ALPK1: variants seen among roughly 807,000 people sequenced by gnomAD.
ALPK1 encodes the protein alpha kinase 1, also known as alpha-protein kinase 1.
In ALPK1, 110 loss-of-function variants were observed where a neutral mutation model predicts 120.6. The observed-to-expected ratio is 0.91, with a 90% CI of 0.78 to 1.07. The LOEUF is 1.07. Among genes scored for constraint, ALPK1 ranks in the 50% least tolerant of loss-of-function variants. The pLI is 0.00. For missense variants in ALPK1, 1,498 were observed against 1,483.9 expected (o/e 1.01, Z -0.16); for synonymous variants, 582 against 560.3 (o/e 1.04, Z -0.55).
chr4:112,432,993 T>C (rs1334063944), intron 11 of ALPK1, among the ~76,000 whole-genome samples: 1 of 152,254 alleles, frequency 6.6e-6, no homozygotes, highest in African/African-American at 2.4e-5. Context: ...GCTCAGCATC[T>C]ATCTTCTCCT....
intron 2 of ALPK1, among the ~76,000 whole-genome samples, chr4:112,320,463 T>G (rs1418449214): frequency 1.3e-5 from 2 of 152,206 alleles, no homozygotes; most frequent in African/African-American, 4.8e-5. Context: ...TTGTTCTGGA[T>G]TTTTGCATCT....
chr4:112,381,722 G>A (rs987713232), intron 3 of ALPK1, among the ~76,000 whole-genome samples: 2 of 152,098 alleles, frequency 1.3e-5, no homozygotes, highest in African/African-American at 4.8e-5. Context: ...ATTCTGTTTC[G>A]GGTGCCAAAC....
In ALPK1 at chr4:112,431,037, TAA is replaced by T; in HGVS notation, c.1495_1496del (p.Asn499HisfsTer26). ...TGCATCACTGCTCTAAAAACAGAAA[TAA>T]AAAACATAGATACTGTGAGTACTAC... On this transcript the variant is annotated frameshift_variant, in exon 11 of 16. Coordinates refer to ENST00000650871, the MANE Select transcript of ALPK1 (RefSeq NM_025144.4). LOFTEE classifies it high-confidence loss of function. 1 of 1,612,530 alleles carries T rather than the reference TAA, an allele frequency of 6.2e-7. No individual in the cohort carries two copies. The highest frequency in any genetic ancestry group is 8.5e-7 in the Non-Finnish European group (1 of 1,179,644).
chr4:112,310,943 G>A lies in ALPK1; in HGVS notation c.-152-4858G>A, dbSNP rs189135742. ...AGTAGCACTACAGAATCATAGAATCGAAAGGGACTTTAAAGACTTTAGCAA... is the reference window on the plus strand; with the variant it reads ...AGTAGCACTACAGAATCATAGAATCAAAAGGGACTTTAAAGACTTTAGCAA... On this transcript the variant is annotated intron_variant, in intron 1 of 15. Coordinates refer to ENST00000650871, the MANE Select transcript of ALPK1 (RefSeq NM_025144.4). 1.8e-4 allele frequency among the ~76,000 whole-genome samples: 27 copies of A among 151,594 alleles called. 2 individuals are homozygous for A. The highest frequency in any genetic ancestry group is 6.1e-4 in the African/African-American group (25 of 40,972).
intron 9 of ALPK1, 24 bp from the exon 10 acceptor site, chr4:112,429,125 A>T: frequency 6.3e-7 from 1 of 1,597,098 alleles, no homozygotes; most frequent in African/African-American, 1.3e-5. Flanking sequence ...TCACCATTCC[A>T]CTTAGCCTCC....
chr4:112,357,131 C>T (rs1730667851), intron 2 of ALPK1: 4 of 1,321,436 alleles, frequency 3.0e-6, no homozygotes, highest in South Asian at 1.3e-5. Flanking sequence ...TGTTGAGCTG[C>T]CTGGAGATGA....
At chr4:112,327,174 G>A (rs1729152237) in intron 2 of ALPK1, among the ~76,000 whole-genome samples, 1 of 152,204 alleles carries the variant, frequency 6.6e-6, no homozygotes, top group Non-Finnish European at 1.5e-5. Context: ...TGTTCACAGT[G>A]CAGGTTTGAA....
intron 2 of ALPK1, among the ~76,000 whole-genome samples, chr4:112,355,127 C>T (rs996708322): frequency 1.3e-5 from 2 of 152,134 alleles, no homozygotes; most frequent in Non-Finnish European, 2.9e-5. Context: ...TAGAATTATT[C>T]TCAGATACTT....
In ALPK1 at chr4:112,377,894, C is replaced by A. The variant is rs1322005774; in HGVS notation, c.117C>A (p.Cys39Ter). ...AGGACAAGAGCGAGGACCAGCGCTG[C>A]AGAGGTGAGGTTCTGATGGGAGGCA... The part of the protein sequence containing the change: ...SEEDKSEDQR[C>*]RALLPSELRT... Residue 39 changes from cysteine to a stop codon, truncating the protein, a stop_gained, in exon 3 of 16, where the codon TGC becomes TGA. Transcript: ENST00000650871. LOFTEE classifies it high-confidence loss of function. 1 of 1,607,780 alleles carries A rather than the reference C, an allele frequency of 6.2e-7. No individual in the cohort carries two copies. The highest frequency in any genetic ancestry group is 1.1e-5 in the South Asian group (1 of 89,994).
At chr4:112,356,338 C>A (rs1730610927) in intron 2 of ALPK1, 3 of 881,708 alleles carry the variant, frequency 3.4e-6, no homozygotes, top group Admixed American at 1.7e-5. Flanking sequence ...TCTTTGCCTG[C>A]AATTTTGCCG....
At position 112,432,282 on chromosome 4, in the gene ALPK1, A is replaced by G; in HGVS notation, c.2735A>G (p.Asn912Ser). ...SEDCTTTEEG[N>S]QPGNMLNCSQ... ...GACTGCACTACCACAGAGGAAGGAA[A>G]TCAGCCTGGAAACATGCTAAACTGC... The change falls in exon 11 of 16, where the codon AAT (asparagine) becomes AGT (serine). Residue 912 changes from asparagine (N) to serine (S), a missense_variant. Transcript: ENST00000650871. The G allele has an allele frequency of 1.9e-6, 3 of 1,614,206 alleles. No homozygotes were observed. Among genetic ancestry groups the G allele is most frequent in the Non-Finnish European group, 1.7e-6 (2 of 1,180,016 alleles).
chr4:112,432,508 G>A lies in ALPK1; in HGVS notation c.2961G>A (p.Val987=), dbSNP rs764487743. 3 of 1,614,170 alleles carry A rather than the reference G, an allele frequency of 1.9e-6. No individual in the cohort carries two copies. The African/African-American group carries it at 4.0e-5, about 22-fold the overall frequency. The change falls in exon 11 of 16, where the codon GTG becomes GTA. Residue 987 remains valine (V), a synonymous_variant. Transcript: ENST00000650871. ...ACTTTGAAAAGCTGTTGGCAGGAGT[G>A]AGGCATGATTGGCTGTTTCAGAGAC... ...PDDFEKLLAG[V]RHDWLFQRLE...
intron 1 of ALPK1, among the ~76,000 whole-genome samples, chr4:112,298,798 G>A (rs1444408474): frequency 2.0e-5 from 3 of 152,122 alleles, no homozygotes; most frequent in Non-Finnish European, 4.4e-5. Context: ...TTTGGATTTA[G>A]AGCCTGAAGT....
intron 2 of ALPK1, chr4:112,358,638 G>A (rs551419981): frequency 7.9e-5 from 57 of 718,828 alleles, no homozygotes; most frequent in Admixed American, 6.7e-4. Flanking sequence ...GGGCCCTGGC[G>A]AGGAGCAGGC....
Position 112,435,151 on chromosome 4 carries a change from C to A in ALPK1, c.3038C>A (p.Ala1013Asp). The A allele has an allele frequency of 6.3e-7, 1 of 1,597,666 alleles. No individual in the cohort carries two copies. ...KPSQLHRAHS[A>D]LLLKYSKKSE... ...TTTTCATCTTTTTTTTTCCCAGGTG[C>A]TCTTTTGTTAAAATATTCAAAAAAA... Residue 1013 changes from alanine to aspartate, a missense_variant, in exon 12 of 16, where the codon GCT (alanine) becomes GAT (aspartate). Coordinates refer to ENST00000650871, the MANE Select transcript of ALPK1 (RefSeq NM_025144.4).
chr4:112,386,821 T>C (rs977895573), intron 4 of ALPK1, among the ~76,000 whole-genome samples: 1 of 152,222 alleles, frequency 6.6e-6, no homozygotes, highest in Non-Finnish European at 1.5e-5. Flanking sequence ...GTATTATTAG[T>C]ATTAGTCAGA....
intron 2 of ALPK1, among the ~76,000 whole-genome samples, chr4:112,376,327 T>C (rs992703662): frequency 9.9e-5 from 15 of 152,200 alleles, no homozygotes; most frequent in African/African-American, 3.1e-4. Flanking sequence ...ATTAGTATTT[T>C]AAATGAAACA....
At chr4:112,341,530 T>G (rs1253555879) in intron 2 of ALPK1, among the ~76,000 whole-genome samples, 1 of 152,238 alleles carries the variant, frequency 6.6e-6, no homozygotes, top group Admixed American at 6.5e-5. Flanking sequence ...ATCTTTGATC[T>G]AAAAATATGT....
chr4:112,396,883 T>G (rs1197092294), intron 4 of ALPK1, among the ~76,000 whole-genome samples: 2 of 151,856 alleles, frequency 1.3e-5, no homozygotes, highest in Non-Finnish European at 2.9e-5. Context: ...GTTCAAGCAA[T>G]TCTTGTACCT....
Sources: allele counts gnomAD v4.1 joint callset (sites outside exome capture counted in the v4.1 genomes callset), GRCh38; gene constraint gnomAD v4.1.1; transcripts MANE v1.5; gene names NCBI Gene and HGNC (gene_info 2026-07-23, HGNC 2026-07-21).